The following PNKD variants were observed in gnomAD, a reference collection of about 807,000 sequenced individuals.
The protein encoded by PNKD is probable thioesterase PNKD.
A neutral mutation model predicts 45.3 loss-of-function variants in PNKD; 36 were observed. That is an observed-to-expected ratio of 0.80 (90% CI 0.61 to 1.05). The LOEUF (loss-of-function observed/expected upper bound fraction) is 1.05, where lower values mean the gene tolerates loss of function less well. Among genes scored for constraint, PNKD ranks in the 50% least tolerant of loss-of-function variants. The pLI is 0.00. For synonymous variants in PNKD, 197 were observed against 210.1 expected, an observed-to-expected ratio of 0.94 and a Z score of 0.54; for missense variants, 511 against 506.6, an observed-to-expected ratio of 1.01 and a Z score of -0.08.
At chr2:218,313,373 A>G (rs1351138261) in intron 2 of PNKD, among the ~76,000 whole-genome samples, 3 of 152,208 alleles carry the variant, frequency 2.0e-5, no homozygotes, top group Non-Finnish European at 4.4e-5. Flanking sequence ...AGCCTCCCAA[A>G]GTACTGGGAG....
chr2:218,295,854 T>C (rs1693128079), intron 2 of PNKD, among the ~76,000 whole-genome samples: 1 of 151,388 alleles, frequency 6.6e-6, no homozygotes, highest in African/African-American at 2.4e-5. Flanking sequence ...CTTTTTTTTT[T>C]TTTTTTTCAA....
chr2:218,341,398 C>T, intron 5 of PNKD, 136 bp from the exon 6 acceptor site: 1 of 623,306 alleles, frequency 1.6e-6, no homozygotes, highest in Non-Finnish European at 2.9e-6. Flanking sequence ...GAACAAAGGC[C>T]TAGAGGTGTG....
chr2:218,327,354 G>C (rs1574705448), intron 2 of PNKD, among the ~76,000 whole-genome samples: 1 of 152,302 alleles, frequency 6.6e-6, no homozygotes, highest in East Asian at 1.9e-4. Context: ...TGATGGAAGG[G>C]TCCTTGAGTG....
intron 2 of PNKD, among the ~76,000 whole-genome samples, chr2:218,291,854 G>A (rs1281083738): frequency 6.6e-6 from 1 of 152,188 alleles, no homozygotes; most frequent in Admixed American, 6.5e-5. Context: ...CTGGCAGAGG[G>A]CAAAGTCATG....
rs749843017 is a variant in PNKD, at chr2:218,340,785, T to C, written c.523T>C (p.Trp175Arg). 1.2e-6 allele frequency: 2 copies of C among 1,613,296 alleles called. No homozygotes were observed. Among genetic ancestry groups the C allele is most frequent in the East Asian group, 2.2e-5 (1 of 44,876 alleles). ...LVAILCTHKHWDHSGGNRDLS... is the reference protein window; with the variant it reads ...LVAILCTHKHRDHSGGNRDLS... ...CGCCATTCTGTGTACTCACAAGCAC[T>C]GGTAAGGGGCTCCCGTCTTCCCTGG... The change falls in exon 5 of 10, where the codon TGG (tryptophan) becomes CGG (arginine). Residue 175 changes from tryptophan (W) to arginine (R), a missense_variant and splice_region_variant. By Grantham distance (101) the Trp-to-Arg change is moderately radical (BLOSUM62 -3). Transcript: ENST00000273077. This position sits in a 1 kb window ranked among gnomAD's most constrained non-coding sequence, Gnocchi z 4.2.
At chr2:218,276,199 A>G (rs1691192428) in intron 2 of PNKD, 3 of 1,049,642 alleles carry the variant, frequency 2.9e-6, no homozygotes, top group East Asian at 2.6e-5. Flanking sequence ...CTAGCTCTCC[A>G]TGAAAGGCTA....
intron 2 of PNKD, chr2:218,272,957 G>A (rs1690909869): frequency 2.8e-5 from 40 of 1,441,438 alleles, no homozygotes; most frequent in Non-Finnish European, 3.7e-5. Context: ...ACCAGGTCTG[G>A]GTTTGTGAGT....
At chr2:218,279,046 G>A (rs147774381) in intron 2 of PNKD, 36 of 1,614,142 alleles carry the variant, frequency 2.2e-5, no homozygotes, top group East Asian at 8.9e-5. Flanking sequence ...ACTAGGACAC[G>A]TAGTAGACAG....
rs146496201 is a variant in PNKD, at chr2:218,311,002, T to C, written c.237-28781T>C. 7.0e-4 allele frequency among the ~76,000 whole-genome samples: 106 copies of C among 152,278 alleles called. No individual in the cohort carries two copies. The East Asian group carries it at 0.018, about 27-fold the overall frequency. ...GTGCAGGTTTGTGGCCTAGGAGAAA[T>C]AGGCTATACCAATCAACCTAGGTTT... On this transcript the variant is annotated intron_variant, in intron 2 of 9. Coordinates refer to ENST00000273077, the MANE Select transcript of PNKD (RefSeq NM_015488.5).
rs144866501 is a variant in PNKD, at chr2:218,307,789, G to A, written c.237-31994G>A. Among the ~76,000 whole-genome samples, 658 of 152,298 alleles carry A rather than the reference G, an allele frequency of 4.3e-3. 7 individuals are homozygous for A. Among genetic ancestry groups the A allele is most frequent in the African/African-American group, 0.015 (625 of 41,560 alleles). ...GGTGAATTTAGAGCTAGCAGAAGGGGAGCTTGTCAGAGAGGGGAGAGGAGA... is the reference window on the plus strand; with the variant it reads ...GGTGAATTTAGAGCTAGCAGAAGGGAAGCTTGTCAGAGAGGGGAGAGGAGA... On this transcript the variant is annotated intron_variant, in intron 2 of 9. Transcript: ENST00000273077.
chr2:218,334,807 T>C, intron 2 of PNKD: 2 of 695,960 alleles, frequency 2.9e-6, no homozygotes, highest in South Asian at 1.5e-5. Flanking sequence ...GCCAGGTTTC[T>C]ATGGCCTTTA....
intron 2 of PNKD, among the ~76,000 whole-genome samples, chr2:218,292,013 G>A (rs1292123019): frequency 6.6e-6 from 1 of 150,696 alleles, no homozygotes; most frequent in African/African-American, 2.4e-5. Flanking sequence ...GGGGCAACCT[G>A]GGGTCCGTGC....
At chr2:218,278,656 C>T (rs566522640) in intron 2 of PNKD, 51 of 1,418,116 alleles carry the variant, frequency 3.6e-5, no homozygotes, top group East Asian at 9.2e-5. Context: ...CCCAAATAGC[C>T]GTTTGGAAGT....
intron 2 of PNKD, among the ~76,000 whole-genome samples, chr2:218,330,962 T>C (rs1375888926): frequency 6.6e-6 from 1 of 152,186 alleles, no homozygotes; most frequent in African/African-American, 2.4e-5. Context: ...GAGCACTCAA[T>C]TTGACAGAAA....
At chr2:218,278,401 C>A in intron 2 of PNKD, 1 of 1,116,826 alleles carries the variant, frequency 9.0e-7, no homozygotes, top group South Asian at 1.3e-5. Flanking sequence ...TCCTCCTCCT[C>A]ATTTCTTGTA....
chr2:218,327,089 TAGGACAC>T (rs1694175775), intron 2 of PNKD: 3 of 152,158 alleles, frequency 2.0e-5, no homozygotes, highest in Admixed American at 2.0e-4. Context: ...GGGAGACGAA[TAGGACAC>T]AGGCAGGTCT....
At chr2:218,341,457 G>A in intron 5 of PNKD, 77 bp from the exon 6 acceptor site, 1 of 929,552 alleles carries the variant, frequency 1.1e-6, no homozygotes, top group Non-Finnish European at 1.7e-6. Flanking sequence ...TTAAAGGCCT[G>A]GAGATGCTGT....
intron 2 of PNKD, among the ~76,000 whole-genome samples, chr2:218,297,667 A>ATAGG (rs1693173713): frequency 6.9e-6 from 1 of 144,428 alleles, no homozygotes. Flanking sequence ...CCTGGGCAAC[A>ATAGG]GAAAAAGACT....
chr2:218,331,918 T>C (rs1447167774), intron 2 of PNKD, among the ~76,000 whole-genome samples: 1 of 152,198 alleles, frequency 6.6e-6, no homozygotes, highest in Non-Finnish European at 1.5e-5. Flanking sequence ...GGTCTGAGTA[T>C]GTTGGGATTT....
Sources: gnomAD v4.1 joint callset for allele counts (sites outside exome capture counted in the v4.1 genomes callset) on GRCh38, gnomAD v4.1.1 for gene constraint, Gnocchi (gnomAD v3.1) non-coding constraint, MANE v1.5 for transcripts, NCBI Gene and HGNC (gene_info 2026-07-23, HGNC 2026-07-21) for gene names.